Variants in CCDC68 observed in about 807,000 individuals in gnomAD.
The protein encoded by CCDC68 is coiled-coil domain containing 68.
CCDC68 carries 45 observed loss-of-function variants against 47.1 expected under a neutral mutation model. The observed-to-expected ratio is 0.96, with a 90% CI of 0.75 to 1.23. CCDC68 has a LOEUF of 1.23. CCDC68 is among the 50% of genes most tolerant of loss of function. The pLI is 0.00. For missense variants in CCDC68, 353 were observed against 373.6 expected (o/e 0.94, Z 0.45); for synonymous variants, 131 against 129.5 (o/e 1.01, Z -0.08).
Position 54,922,987 on chromosome 18 carries a change from C to CAA in CCDC68, c.684-3613_684-3612dup, listed in dbSNP as rs1183607769. Among the ~76,000 whole-genome samples the CAA allele has an allele frequency of 1.8e-3, 72 of 39,996 alleles. 1 individual carries two copies. The South Asian group carries it at 0.019, about 10-fold the overall frequency. 26.2% of individuals were successfully genotyped at this position (39,996 alleles called of 152,430 possible). ...TGGGTGACAGAGCAAGACTCCGTCT[C>CAA]AAAAAAAAAAAAAAAAAAAAAAAAA... On this transcript the variant is annotated intron_variant, in intron 8 of 11. Coordinates refer to ENST00000591504, the MANE Select transcript of CCDC68 (RefSeq NM_025214.3).
At chr18:54,923,065 T>G (rs2044089546) in intron 8 of CCDC68, among the ~76,000 whole-genome samples, 1 of 144,972 alleles carries the variant, frequency 6.9e-6, no homozygotes, top group Non-Finnish European at 1.5e-5. Context: ...GGTGCTAAAA[T>G]TCAAAATTGC....
intron 7 of CCDC68, among the ~76,000 whole-genome samples, chr18:54,930,624 C>CCT (rs2044228431): frequency 3.5e-5 from 1 of 28,516 alleles, no homozygotes; most frequent in Non-Finnish European, 7.1e-5. Flanking sequence ...CCCTTCCCTT[C>CCT]CCCTCCCTCC....
intron 7 of CCDC68, among the ~76,000 whole-genome samples, chr18:54,931,500 G>C (rs1233714912): frequency 1.3e-5 from 2 of 152,202 alleles, no homozygotes; most frequent in Admixed American, 1.3e-4. Context: ...CATTAGAGAA[G>C]ACGGGGGCAT....
intron 10 of CCDC68, among the ~76,000 whole-genome samples, chr18:54,915,552 T>C (rs989475822): frequency 3.3e-5 from 5 of 152,234 alleles, no homozygotes; most frequent in Non-Finnish European, 5.9e-5. Flanking sequence ...GGGATGGTAC[T>C]TTTATCAGTG....
At chr18:54,938,905 C>T (rs2044393083) in intron 4 of CCDC68, among the ~76,000 whole-genome samples, 1 of 152,184 alleles carries the variant, frequency 6.6e-6, no homozygotes, top group Admixed American at 6.5e-5. Flanking sequence ...TATGCCAGGT[C>T]ATCTTTTAGA....
At chr18:54,916,848 A>T (rs972755233) in intron 10 of CCDC68, among the ~76,000 whole-genome samples, 9 of 152,216 alleles carry the variant, frequency 5.9e-5, no homozygotes, top group Non-Finnish European at 1.5e-5. Context: ...TAATTGAATC[A>T]TGGTGGCAAT....
At chr18:54,908,338 A>C (rs1329039990) in intron 10 of CCDC68, among the ~76,000 whole-genome samples, 2 of 152,194 alleles carry the variant, frequency 1.3e-5, no homozygotes, top group African/African-American at 4.8e-5. Context: ...ATGAAACCTT[A>C]GTTTCTTTAT....
chr18:54,916,787 C>G (rs144971177), intron 10 of CCDC68, among the ~76,000 whole-genome samples: 1 of 152,194 alleles, frequency 6.6e-6, no homozygotes, highest in Non-Finnish European at 1.5e-5. Context: ...ACCCAAATCT[C>G]ACCTTGAATT....
chr18:54,910,310 G>A (rs531245160), intron 10 of CCDC68, among the ~76,000 whole-genome samples: 1 of 152,318 alleles, frequency 6.6e-6, no homozygotes, highest in South Asian at 2.1e-4. Flanking sequence ...CCTCTCTGCA[G>A]GCAGGTTGTC....
At position 54,919,284 on chromosome 18, in the gene CCDC68, C is replaced by T. The variant is rs561548865; in HGVS notation, c.776G>A (p.Ser259Asn). The T allele has an allele frequency of 6.2e-7, 1 of 1,613,112 alleles. No homozygotes were observed. The highest frequency in any genetic ancestry group is 1.1e-5 in the South Asian group (1 of 91,054). ...GATTAATCTGACCTCCTGGATGACACTGCGCAGGTTCTGATGTTGGGAGTG... is the reference window on the plus strand; with the variant it reads ...GATTAATCTGACCTCCTGGATGACATTGCGCAGGTTCTGATGTTGGGAGTG... ...VIHSQHQNLRSVIQEMEGLKN... is the reference protein window; with the variant it reads ...VIHSQHQNLRNVIQEMEGLKN... The change falls in exon 9 of 12, where the codon AGT becomes AAT. Residue 259 changes from serine to asparagine, a missense_variant. By Grantham distance (46) the Ser-to-Asn change is conservative. Coordinates refer to ENST00000591504, the MANE Select transcript of CCDC68 (RefSeq NM_025214.3).
At chr18:54,950,940 GCT>G (rs2044607541) in intron 1 of CCDC68, among the ~76,000 whole-genome samples, 2 of 106,052 alleles carry the variant, frequency 1.9e-5, no homozygotes, top group East Asian at 5.7e-4. Context: ...ACGGAGTCTC[GCT>G]CTGTCGCCCA....
chr18:54,915,930 A>AATAT lies in CCDC68; in HGVS notation c.873+1979_873+1982dup, dbSNP rs141546930. On this transcript the variant is annotated intron_variant, in intron 10 of 11. Coordinates refer to ENST00000591504, the MANE Select transcript of CCDC68 (RefSeq NM_025214.3). ...GGCGACAGAGTGAGATCCTGTCTCA[A>AATAT]ATATATATATATATATGAAATACAT... is the stretch of plus-strand genomic sequence containing the variant. Among the ~76,000 whole-genome samples the AATAT allele has an allele frequency of 1.3e-3, 196 of 150,292 alleles. No homozygotes were observed. The South Asian group carries it at 0.015, about 11-fold the overall frequency.
At chr18:54,930,480 A>T (rs903243362) in intron 7 of CCDC68, among the ~76,000 whole-genome samples, 8 of 152,150 alleles carry the variant, frequency 5.3e-5, no homozygotes, top group African/African-American at 1.7e-4. Context: ...GTTATGTTTT[A>T]AAATTAGCTT....
intron 10 of CCDC68, among the ~76,000 whole-genome samples, chr18:54,911,141 G>A (rs1390843567): frequency 1.3e-5 from 2 of 152,156 alleles, no homozygotes; most frequent in Admixed American, 1.3e-4. Flanking sequence ...TCCACTTCCT[G>A]GGTTCAAGCG....
At position 54,901,864 on chromosome 18, in the gene CCDC68, T is replaced by C. The variant is rs1383721044; in HGVS notation, c.*2494A>G. The C allele has an allele frequency of 6.6e-6, 1 of 151,666 alleles. No individual in the cohort carries two copies. Among genetic ancestry groups the C allele is most frequent in the Non-Finnish European group, 1.5e-5 (1 of 67,938 alleles). The allele number at this position is 151,666 out of a possible 1,614,324, so 9.4% of individuals were successfully genotyped here. A position where few individuals can be genotyped will look rare whatever the true frequency, so the allele number is the denominator to read the frequency against. The stretch of plus-strand genomic sequence containing the variant: ...GCTGAATAAATATTATTCCCCCTTG[T>C]AATCTTGTTTTTTCACTGAGAAGTG... On this transcript the variant is annotated 3_prime_UTR_variant, in exon 12 of 12. Transcript: ENST00000591504.
At chr18:54,959,138 C>T (rs965792701) in intron 1 of CCDC68, 198 bp downstream of exon 1, 1 of 152,262 alleles carries the variant, frequency 6.6e-6, no homozygotes, top group African/African-American at 2.4e-5. Context: ...AAACTTCTCG[C>T]CCAGGAAATT....
Position 54,941,146 on chromosome 18 carries a change from A to C in CCDC68, c.118-63T>G, listed in dbSNP as rs971679724. The C allele has an allele frequency of 2.5e-4, 272 of 1,067,326 alleles. 1 individual carries two copies. In the African/African-American group the frequency reaches 3.9e-3, roughly 15 times the overall value. 66.1% of individuals were successfully genotyped at this position (1,067,326 alleles called of 1,614,324 possible). A position where few individuals can be genotyped will look rare whatever the true frequency, so the allele number is the denominator to read the frequency against. ...TTTAATGCCAAACGCTTTTTTTCTCAATACCAGTTACAGGGTACCTGATTA... is the reference window on the plus strand; with the variant it reads ...TTTAATGCCAAACGCTTTTTTTCTCCATACCAGTTACAGGGTACCTGATTA... On this transcript the variant is annotated intron_variant, in intron 3 of 11. Coordinates refer to ENST00000591504, the MANE Select transcript of CCDC68 (RefSeq NM_025214.3).
At chr18:54,935,058 A>T in intron 6 of CCDC68, 110 bp from the exon 7 acceptor site, 2 of 801,026 alleles carry the variant, frequency 2.5e-6, no homozygotes, top group Middle Eastern at 4.1e-4. Context: ...CAGAATTCAT[A>T]CTTGTTTAGA....
chr18:54,951,074 A>T lies in CCDC68; in HGVS notation c.-102-5597T>A, dbSNP rs577620265. ...CAGGCGCCCGCTACCACGCCCGGCT[A>T]ATTTTTTGTATTTTTAGTAGAGACG... On this transcript the variant is annotated intron_variant, in intron 1 of 11. Coordinates refer to ENST00000591504, the MANE Select transcript of CCDC68 (RefSeq NM_025214.3). 8.7e-5 allele frequency among the ~76,000 whole-genome samples: 13 copies of T among 149,656 alleles called. No homozygotes were observed. In the East Asian group the frequency reaches 2.4e-3, roughly 28 times the overall value.
Sources: gnomAD v4.1 joint callset for allele counts (sites outside exome capture counted in the v4.1 genomes callset) on GRCh38, gnomAD v4.1.1 for gene constraint, MANE v1.5 for transcripts, NCBI Gene and HGNC (gene_info 2026-07-23, HGNC 2026-07-21) for gene names.